The following PCDHGA5 variants were observed in gnomAD, a reference collection of about 807,000 sequenced individuals.
PCDHGA5 encodes protocadherin gamma-A5.
A neutral mutation model predicts 56.7 loss-of-function variants in PCDHGA5; 36 were observed. That is an observed-to-expected ratio of 0.64 (90% CI 0.49 to 0.84). PCDHGA5 has a LOEUF of 0.84. Among genes scored for constraint, PCDHGA5 ranks in the 40% least tolerant of loss-of-function variants. The pLI is 0.00. For synonymous variants in PCDHGA5, 563 were observed against 520.2 expected (o/e 1.08, Z -1.12); for missense variants, 1,305 against 1,201.5 (o/e 1.09, Z -1.27).
intron 1 of PCDHGA5, chr5:141,394,857 G>A: frequency 6.2e-7 from 1 of 1,613,832 alleles, no homozygotes; most frequent in Non-Finnish European, 8.5e-7. Context: ...GAAGCCTTCG[G>A]TCGACCCGAA....
intron 1 of PCDHGA5, among the ~76,000 whole-genome samples, chr5:141,470,212 C>A (rs756256854): frequency 2.0e-5 from 3 of 152,116 alleles, no homozygotes; most frequent in Non-Finnish European, 4.4e-5. Context: ...AAGGCTAAAC[C>A]ATTCAGCTTC....
chr5:141,497,919 T>G (rs762168347), intron 2 of PCDHGA5, among the ~76,000 whole-genome samples: 11 of 152,206 alleles, frequency 7.2e-5, no homozygotes, highest in Non-Finnish European at 1.6e-4. Flanking sequence ...TCTCCTTCAT[T>G]CATTCAACAA....
chr5:141,420,123 G>A (rs1335693841), intron 1 of PCDHGA5: 1 of 1,613,968 alleles, frequency 6.2e-7, no homozygotes, highest in Non-Finnish European at 8.5e-7. Flanking sequence ...TATAATTTTT[G>A]TGTGCCTGGG....
rs577770679 is a variant in PCDHGA5, at chr5:141,458,782, G to A, written c.2422-36025G>A. Reference sequence around the variant, plus strand: ...GGGTCTTGCTGTGTCACACAGGCTGGAGTGCAGTGGTGTGATCTCAGCTCA... The same window carrying A: ...GGGTCTTGCTGTGTCACACAGGCTGAAGTGCAGTGGTGTGATCTCAGCTCA... On this transcript the variant is annotated intron_variant, in intron 1 of 3. Coordinates refer to ENST00000518069, the MANE Select transcript of PCDHGA5 (RefSeq NM_018918.3). 3.3e-5 allele frequency among the ~76,000 whole-genome samples: 5 copies of A among 152,020 alleles called. No homozygotes were observed. In the East Asian group the frequency reaches 9.7e-4, roughly 30 times the overall value.
intron 1 of PCDHGA5, among the ~76,000 whole-genome samples, chr5:141,438,223 CA>C: frequency 6.6e-6 from 1 of 151,912 alleles, no homozygotes; most frequent in Non-Finnish European, 1.5e-5. Context: ...GGCTCTGGTT[CA>C]GGAAAATGTT....
rs1452714844 is a variant in PCDHGA5, at chr5:141,389,265, G to A, written c.2421+22514G>A. ...GTCTTCCTATATAGTCCACGTGGCC[G>A]AGAACAACCCGCCTGGAGCCTCTAT... On this transcript the variant is annotated intron_variant, in intron 1 of 3. Transcript: ENST00000518069. 3.7e-6 allele frequency: 6 copies of A among 1,613,886 alleles called. No homozygotes were observed. The highest frequency in any genetic ancestry group is 4.5e-5 in the East Asian group (2 of 44,886).
rs575828819 is a variant in PCDHGA5, at chr5:141,366,469, G to C, written c.2139G>C (p.Val713=). The part of the protein sequence containing the change: ...VFLAFVIVLL[V]LRLRRWHKSR... The stretch of plus-strand genomic sequence containing the variant: ...TGGCCTTCGTCATCGTGCTGCTGGT[G>C]CTCAGACTGAGGCGCTGGCACAAGT... The change falls in exon 1 of 4, where the codon GTG becomes GTC. Residue 713 remains valine, a synonymous_variant. Transcript: ENST00000518069. 2 of 1,614,256 alleles carry C rather than the reference G, an allele frequency of 1.2e-6. No homozygotes were observed. Among genetic ancestry groups the C allele is most frequent in the Non-Finnish European group, 1.7e-6 (2 of 1,180,052 alleles).
intron 1 of PCDHGA5, chr5:141,404,241 C>A (rs960579159): frequency 6.2e-7 from 1 of 1,613,458 alleles, no homozygotes; most frequent in African/African-American, 1.3e-5. Context: ...AGAGGAACTC[C>A]GCCCCTGTCC....
At chr5:141,469,012 C>T (rs1196140759) in intron 1 of PCDHGA5, among the ~76,000 whole-genome samples, 1 of 151,852 alleles carries the variant, frequency 6.6e-6, no homozygotes, top group Non-Finnish European at 1.5e-5. Flanking sequence ...TGCGGTGGGT[C>T]ACTCCTGTAA....
chr5:141,497,218 GA>G (rs1172998466), intron 2 of PCDHGA5, among the ~76,000 whole-genome samples: 1 of 149,792 alleles, frequency 6.7e-6, no homozygotes, highest in Non-Finnish European at 1.5e-5. Flanking sequence ...ATGGGGGGGG[GA>G]AGATCAGAGA....
chr5:141,408,575 G>A (rs1300122367), intron 1 of PCDHGA5: 4 of 1,613,918 alleles, frequency 2.5e-6, no homozygotes, highest in East Asian at 2.2e-5. Context: ...GGTGATTGAG[G>A]ATGTTAATGA....
rs919375073 is a variant in PCDHGA5 at position 141,490,642 on chromosome 5, C to A, written c.2422-4165C>A. On this transcript the variant is annotated intron_variant, in intron 1 of 3. Coordinates refer to ENST00000518069, the MANE Select transcript of PCDHGA5 (RefSeq NM_018918.3). This position sits in a 1 kb window ranked among gnomAD's most constrained non-coding sequence, Gnocchi z 5.4. ...CACTGCTTACATCCTAGAAAACCGG[C>A]CTCCGGGCTCCCTTCTTTGCACTGT... 4.3e-6 allele frequency: 7 copies of A among 1,614,102 alleles called. No individual in the cohort carries two copies. In the African/African-American group the frequency reaches 6.7e-5, roughly 15 times the overall value.
At chr5:141,499,289 C>T in intron 2 of PCDHGA5, among the ~76,000 whole-genome samples, 1 of 152,212 alleles carries the variant, frequency 6.6e-6, no homozygotes, top group African/African-American at 2.4e-5. Context: ...GATGGCTCCA[C>T]ACTACCATCC....
In PCDHGA5 at chr5:141,423,972, T is replaced by C. The variant is rs1459859824; in HGVS notation, c.2421+57221T>C. ...TTTAGTATTATTTTTCTATTATCAG[T>C]GTATGAGGCTCTCAATTTATTATAT... On this transcript the variant is annotated intron_variant, in intron 1 of 3. Transcript: ENST00000518069. 4 of 1,128,544 alleles carry C rather than the reference T, an allele frequency of 3.5e-6. No homozygotes were observed. The East Asian group carries it at 1.9e-4, about 53-fold the overall frequency. The allele number at this position is 1,128,544 out of a possible 1,614,324, so 69.9% of individuals were successfully genotyped here.
chr5:141,418,429 A>T (rs765952024), intron 1 of PCDHGA5: 2 of 1,613,854 alleles, frequency 1.2e-6, no homozygotes, highest in African/African-American at 2.7e-5. Context: ...ATGGTGGCAA[A>T]TATCCAGAAT....
At chr5:141,415,468 G>A (rs762272586) in intron 1 of PCDHGA5, 8 of 1,614,070 alleles carry the variant, frequency 5.0e-6, no homozygotes, top group East Asian at 2.2e-5. Context: ...CTCTCTCACC[G>A]CGGACTCGCG....
In PCDHGA5 at chr5:141,365,549, A is replaced by G. The variant is rs1763986564; in HGVS notation, c.1219A>G (p.Thr407Ala). Residue 407 changes from threonine to alanine, a missense_variant, in exon 1 of 4, where the codon ACT (threonine) becomes GCT (alanine). By Grantham distance (58) the Thr-to-Ala change is moderately conservative (BLOSUM62 0). Coordinates refer to ENST00000518069, the MANE Select transcript of PCDHGA5 (RefSeq NM_018918.3). Reference sequence around the variant, plus strand: ...TGATAATTACTATCACCTATTAACAACTAGGGACCTGGACAGAGAAGAGAC... The same window carrying G: ...TGATAATTACTATCACCTATTAACAGCTAGGGACCTGGACAGAGAAGAGAC... The part of the protein sequence containing the change: ...SVDNYYHLLT[T>A]RDLDREETSD... The G allele has an allele frequency of 2.5e-6, 4 of 1,613,678 alleles. No individual in the cohort carries two copies. Among genetic ancestry groups the G allele is most frequent in the Non-Finnish European group, 3.4e-6 (4 of 1,179,908 alleles).
intron 1 of PCDHGA5, chr5:141,371,384 T>C: frequency 2.5e-6 from 4 of 1,613,984 alleles, no homozygotes; most frequent in Non-Finnish European, 3.4e-6. Flanking sequence ...ACACTGCATA[T>C]TGTAAAGTAC....
intron 1 of PCDHGA5, among the ~76,000 whole-genome samples, chr5:141,488,854 A>G (rs923370040): frequency 1.3e-5 from 2 of 152,226 alleles, no homozygotes; most frequent in Admixed American, 1.3e-4. Context: ...AACCTGCAGC[A>G]CGAAGTGAGT....
Sources: gnomAD v4.1 joint callset for allele counts (sites outside exome capture counted in the v4.1 genomes callset) on GRCh38, gnomAD v4.1.1 for gene constraint, Gnocchi (gnomAD v3.1) non-coding constraint, MANE v1.5 for transcripts, NCBI Gene and HGNC (gene_info 2026-07-23, HGNC 2026-07-21) for gene names.